The following FAM184B variants were observed in gnomAD, a reference collection of about 807,000 sequenced individuals.
FAM184B encodes the protein protein FAM184B.
Under a neutral mutation model 135.9 loss-of-function variants are expected in FAM184B, and 111 were observed. That is an observed-to-expected ratio of 0.82 (90% CI 0.70 to 0.96). The LOEUF is 0.96. Ranked by LOEUF, FAM184B falls within the 40% of genes least tolerant of loss-of-function variation. The pLI is 0.00. For missense variants in FAM184B, 1,375 were observed against 1,323.9 expected, an observed-to-expected ratio of 1.04 and a Z score of -0.60; for synonymous variants, 552 against 524.8, an observed-to-expected ratio of 1.05 and a Z score of -0.71.
chr4:17,654,683 C>T (rs141656312), intron 10 of FAM184B, among the ~76,000 whole-genome samples: 2 of 152,294 alleles, frequency 1.3e-5, no homozygotes, highest in Non-Finnish European at 2.9e-5. Context: ...GCATGAGGCT[C>T]CTGTGAGGGA....
In FAM184B at chr4:17,632,191, C is replaced by G. The variant is rs1365661213; in HGVS notation, c.*341G>C. On this transcript the variant is annotated 3_prime_UTR_variant, in exon 18 of 18. Coordinates refer to ENST00000265018, the MANE Select transcript of FAM184B (RefSeq NM_015688.2). ...CTAGGTTCAAGTGATCCTCCCGCCT[C>G]AGTCCCCCAAGTACCTGGGACCACA... 1 of 157,230 alleles carries G rather than the reference C, an allele frequency of 6.4e-6. No individual in the cohort carries two copies. Among genetic ancestry groups the G allele is most frequent in the South Asian group, 1.9e-4 (1 of 5,250 alleles). 9.7% of individuals were successfully genotyped at this position (157,230 alleles called of 1,614,324 possible).
chr4:17,644,935 C>T (rs944011407), intron 12 of FAM184B, among the ~76,000 whole-genome samples: 2 of 152,062 alleles, frequency 1.3e-5, no homozygotes, highest in Admixed American at 1.3e-4. Flanking sequence ...TCTTATACAC[C>T]AATAACAGAC....
intron 16 of FAM184B, among the ~76,000 whole-genome samples, chr4:17,634,386 C>T (rs1029548707): frequency 1.3e-5 from 2 of 152,270 alleles, no homozygotes; most frequent in East Asian, 1.9e-4. Context: ...TACGGTGGTG[C>T]GATCTCAGCT....
chr4:17,657,654 TC>T (rs1222723612), intron 10 of FAM184B, among the ~76,000 whole-genome samples: 1 of 114,460 alleles, frequency 8.7e-6, no homozygotes, highest in African/African-American at 3.5e-5. Flanking sequence ...GCTGAGCTGT[TC>T]TTTTTTTTTT....
intron 1 of FAM184B, among the ~76,000 whole-genome samples, chr4:17,756,103 C>T (rs749148373): frequency 1.3e-5 from 2 of 152,094 alleles, no homozygotes; most frequent in Non-Finnish European, 2.9e-5. Context: ...GACCTAGCAG[C>T]AATGAACACC....
chr4:17,708,691 A>AG (rs1577269942), intron 2 of FAM184B, among the ~76,000 whole-genome samples: 3 of 49,814 alleles, frequency 6.0e-5, no homozygotes, highest in Admixed American at 2.6e-4. Flanking sequence ...ATATATATAT[A>AG]TATATATATA....
At chr4:17,741,096 T>A (rs969918701) in intron 1 of FAM184B, among the ~76,000 whole-genome samples, 1 of 152,190 alleles carries the variant, frequency 6.6e-6, no homozygotes, top group South Asian at 2.1e-4. Context: ...TGCCAGGCAC[T>A]GTTCTTGGTA....
At chr4:17,644,438 A>T (rs1715408672) in intron 12 of FAM184B, among the ~76,000 whole-genome samples, 1 of 152,200 alleles carries the variant, frequency 6.6e-6, no homozygotes, top group Non-Finnish European at 1.5e-5. Context: ...AATATACACA[A>T]ATCAATAAAC....
chr4:17,728,257 C>A (rs1717688522), intron 1 of FAM184B, among the ~76,000 whole-genome samples: 1 of 152,242 alleles, frequency 6.6e-6, no homozygotes, highest in Admixed American at 6.5e-5. Context: ...CATCCACAAG[C>A]ATACCTGTAG....
chr4:17,771,102 G>A (rs181974195), intron 1 of FAM184B, among the ~76,000 whole-genome samples: 75 of 152,236 alleles, frequency 4.9e-4, no homozygotes, highest in South Asian at 4.8e-3. Flanking sequence ...ACATTCTTGC[G>A]TCATTTCTCT....
chr4:17,781,220 C>A lies in FAM184B; in HGVS notation c.80G>T (p.Arg27Ile). The change falls in exon 1 of 18, where the codon AGA (arginine) becomes ATA (isoleucine). Residue 27 changes from arginine (R) to isoleucine (I), a missense_variant. Transcript: ENST00000265018. This position sits in a 1 kb window ranked among gnomAD's most constrained non-coding sequence, Gnocchi z 6.5. ...GTGCATCTGGGGATCACAGTCCATT[C>A]TCCAGCCGGCGCCACCGTCGGCTTT... ...GSKADGGAGW[R>I]MDCDPQMHVK... is the part of the protein sequence containing the mutation. 6.4e-7 allele frequency: 1 copy of A among 1,551,012 alleles called. No homozygotes were observed. Among genetic ancestry groups the A allele is most frequent in the East Asian group, 2.4e-5 (1 of 40,870 alleles).
chr4:17,742,161 TATATA>T (rs1381003996), intron 1 of FAM184B, among the ~76,000 whole-genome samples: 286 of 27,610 alleles, frequency 0.01, no homozygotes, highest in African/African-American at 0.024. Context: ...TATATATATA[TATATA>T]TATTTTTTTT....
intron 1 of FAM184B, among the ~76,000 whole-genome samples, chr4:17,758,830 A>G (rs1423166505): frequency 6.6e-6 from 1 of 151,890 alleles, no homozygotes; most frequent in Non-Finnish European, 1.5e-5. Context: ...GTTGGACTGC[A>G]TTTTCTCTCT....
At chr4:17,727,668 T>A (rs1035565453) in intron 1 of FAM184B, among the ~76,000 whole-genome samples, 1 of 152,016 alleles carries the variant, frequency 6.6e-6, no homozygotes, top group South Asian at 2.1e-4. Context: ...CATTTTCAGA[T>A]CAACAGAACT....
At chr4:17,721,630 C>T (rs867844785) in intron 1 of FAM184B, among the ~76,000 whole-genome samples, 5 of 152,100 alleles carry the variant, frequency 3.3e-5, no homozygotes, top group South Asian at 4.1e-4. Context: ...GGAAGAGGAG[C>T]GCACCATGAC....
intron 8 of FAM184B, among the ~76,000 whole-genome samples, chr4:17,661,444 C>T (rs1014636104): frequency 1.4e-4 from 21 of 151,992 alleles, no homozygotes; most frequent in Admixed American, 5.2e-4. Context: ...CCCAGCTACT[C>T]TGGAGGCTGA....
intron 1 of FAM184B, among the ~76,000 whole-genome samples, chr4:17,741,325 G>A (rs1026566414): frequency 2.6e-5 from 4 of 152,186 alleles, no homozygotes; most frequent in African/African-American, 9.7e-5. Context: ...AGTGACATGC[G>A]AGTGAAGATT....
intron 6 of FAM184B, among the ~76,000 whole-genome samples, chr4:17,691,117 C>CAT (rs1716721870): frequency 6.6e-6 from 1 of 152,080 alleles, no homozygotes; most frequent in Non-Finnish European, 1.5e-5. Flanking sequence ...GGCAACATAC[C>CAT]ATACTAGAGG....
intron 7 of FAM184B, among the ~76,000 whole-genome samples, chr4:17,677,973 CT>C (rs1288870864): frequency 6.7e-6 from 1 of 148,890 alleles, no homozygotes; most frequent in Non-Finnish European, 1.5e-5. Context: ...TCCAGCATCC[CT>C]TTATGGTTAA....
Sources: allele counts gnomAD v4.1 joint callset (sites outside exome capture counted in the v4.1 genomes callset), GRCh38; gene constraint gnomAD v4.1.1; non-coding constraint Gnocchi (gnomAD v3.1); transcripts MANE v1.5; gene names NCBI Gene and HGNC (gene_info 2026-07-23, HGNC 2026-07-21).